The following LRRC4C variants were observed in gnomAD, a reference collection of about 807,000 sequenced individuals.
LRRC4C encodes the protein leucine-rich repeat-containing protein 4C.
Under a neutral mutation model 33.6 loss-of-function variants are expected in LRRC4C, and 5 were observed. The ratio of observed to expected loss-of-function variants is 0.15; its 90% CI spans 0.08 to 0.31. The LOEUF (loss-of-function observed/expected upper bound fraction) is 0.31. Ranked by LOEUF, LRRC4C falls within the 10% of genes least tolerant of loss-of-function variation. The pLI, the probability that LRRC4C is intolerant of heterozygous loss-of-function variation, is 1.00. For synonymous variants in LRRC4C, 329 were observed against 302.0 expected, an observed-to-expected ratio of 1.09 and a Z score of -0.93; for missense variants, 560 against 796.7, an observed-to-expected ratio of 0.70 and a Z score of 3.58.
chr11:40,627,613 AG>A (rs1202341265), intron 3 of LRRC4C, among the ~76,000 whole-genome samples: 1 of 152,180 alleles, frequency 6.6e-6, no homozygotes, highest in Admixed American at 6.5e-5. Flanking sequence ...GTCTTCTTCC[AG>A]GTAGCACATA....
intron 5 of LRRC4C, among the ~76,000 whole-genome samples, chr11:40,222,182 A>G (rs944192001): frequency 1.1e-4 from 17 of 152,164 alleles, no homozygotes; most frequent in African/African-American, 3.9e-4. Flanking sequence ...TTTGCAGGTG[A>G]TGGAGCCCCC....
chr11:40,671,987 A>G (rs1944146978), intron 2 of LRRC4C, among the ~76,000 whole-genome samples: 1 of 152,148 alleles, frequency 6.6e-6, no homozygotes, highest in Non-Finnish European at 1.5e-5. Flanking sequence ...TGTCTCAGTG[A>G]CTATGTCCTG....
intron 1 of LRRC4C, among the ~76,000 whole-genome samples, chr11:41,215,433 A>G (rs1947017585): frequency 6.8e-6 from 1 of 147,554 alleles, no homozygotes; most frequent in Admixed American, 6.9e-5. Flanking sequence ...GGTTGCAGTG[A>G]GCTGAGATCA....
chr11:41,185,491 T>C (rs554013604), intron 1 of LRRC4C, among the ~76,000 whole-genome samples: 75 of 152,326 alleles, frequency 4.9e-4, no homozygotes, highest in African/African-American at 1.8e-3. Flanking sequence ...AATCTGCATG[T>C]AGTTGCATGT....
chr11:41,019,055 T>A (rs1855780270), intron 1 of LRRC4C, among the ~76,000 whole-genome samples: 2 of 152,138 alleles, frequency 1.3e-5, no homozygotes, highest in Non-Finnish European at 2.9e-5. Context: ...TTTATTTCCT[T>A]ATGTCTTCTA....
At chr11:40,809,635 T>G (rs2135372805) in intron 2 of LRRC4C, among the ~76,000 whole-genome samples, 1 of 152,288 alleles carries the variant, frequency 6.6e-6, no homozygotes, top group South Asian at 2.1e-4. Flanking sequence ...AAGCAACGTA[T>G]TGTTTGTTTC....
At chr11:40,977,149 C>T (rs1852144633) in intron 1 of LRRC4C, among the ~76,000 whole-genome samples, 1 of 151,984 alleles carries the variant, frequency 6.6e-6, no homozygotes. Flanking sequence ...CTAATGCCAC[C>T]ACTGATCTGA....
intron 1 of LRRC4C, among the ~76,000 whole-genome samples, chr11:41,347,067 A>T (rs1281850270): frequency 6.6e-6 from 1 of 152,224 alleles, no homozygotes; most frequent in Non-Finnish European, 1.5e-5. Flanking sequence ...TGAAATGTAT[A>T]CATGCCCATT....
intron 3 of LRRC4C, among the ~76,000 whole-genome samples, chr11:40,606,283 G>T (rs1960580170): frequency 1.3e-5 from 2 of 152,254 alleles, no homozygotes; most frequent in Admixed American, 6.5e-5. Context: ...GATACCAAAA[G>T]GAGCAAGAGA....
chr11:40,525,471 G>A (rs536716173), intron 3 of LRRC4C, among the ~76,000 whole-genome samples: 2 of 152,024 alleles, frequency 1.3e-5, no homozygotes, highest in East Asian at 3.9e-4. Context: ...GGCAGGGGGT[G>A]GCTGGAGGGC....
rs191051419 is a variant in LRRC4C at position 40,949,996 on chromosome 11, C to T, written c.-495-16273G>A. Among the ~76,000 whole-genome samples the T allele has an allele frequency of 4.8e-3, 729 of 151,414 alleles. 6 individuals are homozygous for T. Among genetic ancestry groups the T allele is most frequent in the African/African-American group, 0.017 (683 of 41,364 alleles). On this transcript the variant is annotated intron_variant, in intron 1 of 6. Transcript: ENST00000528697. The stretch of plus-strand genomic sequence containing the variant: ...CATCTCACATGCAGAGACACACATA[C>T]GCAAGAGGAAAATTTTCACCTCTCA...
chr11:40,299,679 T>C (rs1944678071), intron 4 of LRRC4C, among the ~76,000 whole-genome samples: 1 of 152,240 alleles, frequency 6.6e-6, no homozygotes, highest in Non-Finnish European at 1.5e-5. Context: ...GGGACCTATG[T>C]TGCTTAACAC....
intron 1 of LRRC4C, among the ~76,000 whole-genome samples, chr11:41,285,245 T>C (rs1235299504): frequency 6.6e-6 from 1 of 152,164 alleles, no homozygotes; most frequent in East Asian, 1.9e-4. Flanking sequence ...CCATCAATTA[T>C]CCATCATCCA....
intron 3 of LRRC4C, among the ~76,000 whole-genome samples, chr11:40,481,221 CA>C (rs1188109565): frequency 2.0e-5 from 3 of 151,992 alleles, no homozygotes; most frequent in Non-Finnish European, 4.4e-5. Flanking sequence ...CCAGTCAGGA[CA>C]GAAGAGTAAA....
At chr11:40,227,555 A>C (rs1864898854) in intron 5 of LRRC4C, among the ~76,000 whole-genome samples, 1 of 152,138 alleles carries the variant, frequency 6.6e-6, no homozygotes, top group Admixed American at 6.5e-5. Flanking sequence ...AGGGAAAGGG[A>C]AACACAGGGA....
chr11:40,273,313 G>A (rs1450865225), intron 4 of LRRC4C, among the ~76,000 whole-genome samples: 1 of 152,064 alleles, frequency 6.6e-6, no homozygotes, highest in African/African-American at 2.4e-5. Context: ...GGGGGACAAT[G>A]ACAAAGGCAA....
At chr11:40,963,198 G>A (rs571490380) in intron 1 of LRRC4C, among the ~76,000 whole-genome samples, 2 of 151,732 alleles carry the variant, frequency 1.3e-5, no homozygotes, top group South Asian at 4.2e-4. Context: ...GAAATTTCCT[G>A]CTATGTTAAC....
chr11:41,060,373 G>A (rs1470211484), intron 1 of LRRC4C, among the ~76,000 whole-genome samples: 1 of 152,188 alleles, frequency 6.6e-6, no homozygotes, highest in Non-Finnish European at 1.5e-5. Context: ...AGCACAGACT[G>A]TCTAGCTTAA....
chr11:40,883,471 A>C (rs1414506961), intron 2 of LRRC4C, among the ~76,000 whole-genome samples: 1 of 152,086 alleles, frequency 6.6e-6, no homozygotes, highest in African/African-American at 2.4e-5. Flanking sequence ...AATCAGAAAT[A>C]AAATTAATAT....
Sources: allele counts gnomAD v4.1 joint callset (sites outside exome capture counted in the v4.1 genomes callset), GRCh38; gene constraint gnomAD v4.1.1; transcripts MANE v1.5; gene names NCBI Gene and HGNC (gene_info 2026-07-23, HGNC 2026-07-21).